CTNNA2: variants seen among roughly 807,000 people sequenced by gnomAD.
The protein encoded by CTNNA2 is catenin alpha-2.
CTNNA2 carries 42 observed loss-of-function variants against 101.0 expected under a neutral mutation model. That is an observed-to-expected ratio of 0.42 (90% confidence interval 0.32 to 0.54). The LOEUF is 0.54. CTNNA2 is among the 20% of genes least tolerant of loss of function. The probability of loss-of-function intolerance (pLI) is 0.14; values close to 1 mark genes in which losing one functional copy is unlikely to be tolerated. For synonymous variants in CTNNA2, 450 were observed against 456.4 expected, an observed-to-expected ratio of 0.99 and a Z score of 0.18; for missense variants, 871 against 1,223.1, an observed-to-expected ratio of 0.71 and a Z score of 4.29.
At chr2:79,571,961 G>A (rs1342396887) in intron 1 of CTNNA2, among the ~76,000 whole-genome samples, 1 of 152,096 alleles carries the variant, frequency 6.6e-6, no homozygotes, top group East Asian at 1.9e-4. Context: ...TGCCCATACT[G>A]TGATGTCTTT....
In CTNNA2 at chr2:79,909,683, A is replaced by G; in HGVS notation, c.942A>G (p.Ala314=). 6.2e-7 allele frequency: 1 copy of G among 1,613,814 alleles called. No individual in the cohort carries two copies. The highest frequency in any genetic ancestry group is 8.5e-7 in the Non-Finnish European group (1 of 1,179,784). The change falls in exon 7 of 19, where the codon GCA becomes GCG. Residue 314 remains alanine, a synonymous_variant. Coordinates refer to ENST00000402739, the MANE Select transcript of CTNNA2 (RefSeq NM_001282597.3). ...GGCTGGAGAGCATCATCAGCGGCGC[A>G]GCGCTGATGGCCGACTCCTCCTGCA... ...EERLESIISG[A]ALMADSSCTR...
intron 7 of CTNNA2, among the ~76,000 whole-genome samples, chr2:79,927,959 A>G (rs1379042617): frequency 6.6e-6 from 1 of 152,168 alleles, no homozygotes; most frequent in African/African-American, 2.4e-5. Context: ...TATGGAGCAT[A>G]ATAACTTCCA....
chr2:80,470,975 G>A (rs897776339), intron 9 of CTNNA2, among the ~76,000 whole-genome samples: 6 of 152,258 alleles, frequency 3.9e-5, no homozygotes, highest in South Asian at 4.1e-4. Flanking sequence ...GTGGAGGGGG[G>A]TTTCCAGCCC....
At chr2:80,341,460 G>T (rs180708241) in intron 7 of CTNNA2, among the ~76,000 whole-genome samples, 35 of 152,230 alleles carry the variant, frequency 2.3e-4, no homozygotes, top group Middle Eastern at 3.4e-3. Flanking sequence ...GATTTGAATA[G>T]ATATTTATCC....
At chr2:79,608,208 T>A (rs924430873) in intron 1 of CTNNA2, among the ~76,000 whole-genome samples, 1 of 151,920 alleles carries the variant, frequency 6.6e-6, no homozygotes, top group Non-Finnish European at 1.5e-5. Flanking sequence ...CTACCAAAGC[T>A]CACTCAAGAA....
At chr2:80,539,053 CTG>C (rs1015900741) in intron 9 of CTNNA2, among the ~76,000 whole-genome samples, 1 of 152,086 alleles carries the variant, frequency 6.6e-6, no homozygotes, top group African/African-American at 2.4e-5. Flanking sequence ...CAGTTTCACT[CTG>C]TTGCCCAGAC....
At chr2:80,534,921 C>T (rs901127051) in intron 9 of CTNNA2, among the ~76,000 whole-genome samples, 1 of 152,052 alleles carries the variant, frequency 6.6e-6, no homozygotes, top group African/African-American at 2.4e-5. Flanking sequence ...AAATGCATGA[C>T]AGCAAGGAAT....
At chr2:80,227,867 A>G (rs1708978216) in intron 7 of CTNNA2, among the ~76,000 whole-genome samples, 2 of 152,244 alleles carry the variant, frequency 1.3e-5, no homozygotes, top group South Asian at 4.1e-4. Context: ...AACAACTATT[A>G]AAGGACCCCA....
chr2:80,016,333 G>C (rs989291563), intron 7 of CTNNA2, among the ~76,000 whole-genome samples: 1 of 152,172 alleles, frequency 6.6e-6, no homozygotes, highest in Non-Finnish European at 1.5e-5. Flanking sequence ...ACAGTGCTGA[G>C]CGCTGGGTCA....
At chr2:79,558,716 A>G (rs1471391889) in intron 1 of CTNNA2, among the ~76,000 whole-genome samples, 1 of 151,956 alleles carries the variant, frequency 6.6e-6, no homozygotes, top group Non-Finnish European at 1.5e-5. Flanking sequence ...ACCCTTTTAA[A>G]GTAAGTATGA....
chr2:79,716,837 C>G (rs1686139629), intron 2 of CTNNA2, among the ~76,000 whole-genome samples: 1 of 151,634 alleles, frequency 6.6e-6, no homozygotes, highest in Non-Finnish European at 1.5e-5. Context: ...ATAAGATGTA[C>G]AAGAAAAAAT....
chr2:80,369,463 A>G (rs184893475), intron 7 of CTNNA2, among the ~76,000 whole-genome samples: 95 of 152,256 alleles, frequency 6.2e-4, no homozygotes, highest in African/African-American at 2.2e-3. Flanking sequence ...CCACTGCCTT[A>G]TTCTTTGTAA....
chr2:79,681,558 A>T (rs1683564241), intron 2 of CTNNA2, among the ~76,000 whole-genome samples: 1 of 152,222 alleles, frequency 6.6e-6, no homozygotes, highest in Non-Finnish European at 1.5e-5. Context: ...TGGCTATTTG[A>T]TCAATGTCCA....
intron 3 of CTNNA2, among the ~76,000 whole-genome samples, chr2:79,331,761 G>A (rs1295661332): frequency 6.6e-6 from 1 of 152,052 alleles, no homozygotes; most frequent in Non-Finnish European, 1.5e-5. Flanking sequence ...ACATATAAAA[G>A]CATTATGAAC....
rs148505628 is a variant in CTNNA2, at chr2:80,280,889, G to A, written c.1057-112322G>A. The stretch of plus-strand genomic sequence containing the variant: ...AGGGTTTGACACTATCTATTGTTTC[G>A]GGCATCTACTGGGGGTCTTAGAATA... On this transcript the variant is annotated intron_variant, in intron 7 of 18. Transcript: ENST00000402739. Among the ~76,000 whole-genome samples the A allele has an allele frequency of 5.5e-4, 84 of 152,034 alleles. 2 individuals are homozygous for A. The highest frequency in any genetic ancestry group is 1.9e-3 in the African/African-American group (78 of 41,474).
At chr2:79,556,015 G>A (rs996129858) in intron 1 of CTNNA2, among the ~76,000 whole-genome samples, 5 of 151,928 alleles carry the variant, frequency 3.3e-5, no homozygotes, top group African/African-American at 9.7e-5. Context: ...CATTAACTTC[G>A]AGTTTCAAAG....
At chr2:79,471,939 G>A (rs1243970629) in intron 4 of CTNNA2, among the ~76,000 whole-genome samples, 1 of 152,076 alleles carries the variant, frequency 6.6e-6, no homozygotes, top group Non-Finnish European at 1.5e-5. Flanking sequence ...CTTCTTACAT[G>A]CAAAATACAT....
rs574396485 is a variant in CTNNA2 at position 79,949,639 on chromosome 2, A to C, written c.1056+39842A>C. ...AAGTAAATAAATAAATTAGGCCAAC[A>C]TTGTGGTACCTGCCTATAGTCACAG... is the stretch of plus-strand genomic sequence containing the variant. On this transcript the variant is annotated intron_variant, in intron 7 of 18. Transcript: ENST00000402739. Among the ~76,000 whole-genome samples the C allele has an allele frequency of 3.4e-4, 52 of 152,160 alleles. No individual in the cohort carries two copies. In the Middle Eastern group the frequency reaches 0.01, roughly 30 times the overall value.
intron 3 of CTNNA2, among the ~76,000 whole-genome samples, chr2:79,831,764 C>A (rs1157425673): frequency 6.7e-6 from 1 of 148,294 alleles, no homozygotes; most frequent in East Asian, 2.0e-4. Flanking sequence ...TAAATCGTTA[C>A]CAAAGTAATT....
Sources: gnomAD v4.1 joint callset for allele counts (sites outside exome capture counted in the v4.1 genomes callset) on GRCh38, gnomAD v4.1.1 for gene constraint, MANE v1.5 for transcripts, NCBI Gene and HGNC (gene_info 2026-07-23, HGNC 2026-07-21) for gene names.